The following SLC9A8 variants were observed in gnomAD, a reference collection of about 807,000 sequenced individuals.
SLC9A8 encodes the protein sodium/hydrogen exchanger 8.
A neutral mutation model predicts 66.6 loss-of-function variants in SLC9A8; 48 were observed. That is an observed-to-expected ratio of 0.72 (90% confidence interval 0.57 to 0.92). The LOEUF (loss-of-function observed/expected upper bound fraction) is 0.92, where lower values mean the gene tolerates loss of function less well. Among genes scored for constraint, SLC9A8 ranks in the 40% least tolerant of loss-of-function variants. The pLI, the probability that SLC9A8 is intolerant of heterozygous loss-of-function variation, is 0.00. For synonymous variants in SLC9A8, 274 were observed against 282.6 expected, an observed-to-expected ratio of 0.97 and a Z score of 0.31; for missense variants, 599 against 747.3, an observed-to-expected ratio of 0.80 and a Z score of 2.31.
chr20:49,840,637 A>G (rs959907299), intron 4 of SLC9A8, among the ~76,000 whole-genome samples: 5 of 152,188 alleles, frequency 3.3e-5, no homozygotes, highest in Admixed American at 6.6e-5. Flanking sequence ...GATAAGACAC[A>G]CTTCTGCTGG....
chr20:49,851,696 C>A (rs1488468569), intron 7 of SLC9A8, among the ~76,000 whole-genome samples: 3 of 152,192 alleles, frequency 2.0e-5, no homozygotes, highest in African/African-American at 7.2e-5. Flanking sequence ...AATTCTATTT[C>A]TACCTCCACT....
At chr20:49,878,748 G>T (rs536020474) in intron 12 of SLC9A8, among the ~76,000 whole-genome samples, 1 of 152,110 alleles carries the variant, frequency 6.6e-6, no homozygotes, top group Non-Finnish European at 1.5e-5. Flanking sequence ...GGCTGGGCGC[G>T]GTGGCTCACA....
rs751877159 is a variant in SLC9A8, at chr20:49,883,766, C to T, written c.1271-80C>T. ...TAGTCAGCTGGTCGTGGTGCTGGGC[C>T]GGCTGGATTTCCAGGGAAGCCAGCC... On this transcript the variant is annotated intron_variant, in intron 13 of 15. Coordinates refer to ENST00000361573, the MANE Select transcript of SLC9A8 (RefSeq NM_015266.3). 39 of 1,155,394 alleles carry T rather than the reference C, an allele frequency of 3.4e-5. 1 individual carries two copies. Among genetic ancestry groups the T allele is most frequent in the African/African-American group, 6.1e-5 (4 of 65,848 alleles). The allele number at this position is 1,155,394 out of a possible 1,614,324, so 71.6% of individuals were successfully genotyped here.
At chr20:49,821,813 G>T (rs561757530) in intron 2 of SLC9A8, among the ~76,000 whole-genome samples, 2 of 152,036 alleles carry the variant, frequency 1.3e-5, no homozygotes, top group African/African-American at 4.8e-5. Context: ...CTTTCAAATC[G>T]TTTTATTTTA....
Position 49,886,712 on chromosome 20 carries a change from C to T in SLC9A8, c.1492-40C>T, listed in dbSNP as rs1314079604. 2 of 1,598,330 alleles carry T rather than the reference C, an allele frequency of 1.3e-6. No homozygotes were observed. Among genetic ancestry groups the T allele is most frequent in the South Asian group, 1.1e-5 (1 of 89,082 alleles). On this transcript the variant is annotated intron_variant, in intron 14 of 15. Transcript: ENST00000361573. The surrounding 1 kb of genome is among the most constrained non-coding windows in gnomAD (Gnocchi z 4.8). ...TTCCAGGAGGTGCCCCCCGATGGTG[C>T]CAGCTGGTGGCCGTCGGGCCGCCTT...
At chr20:49,880,812 A>G (rs1477220771) in intron 12 of SLC9A8, 112 bp from the exon 13 acceptor site, 12 of 723,050 alleles carry the variant, frequency 1.7e-5, no homozygotes, top group Non-Finnish European at 2.7e-5. Context: ...GCTGAGGGGA[A>G]TACTGCATTT....
At chr20:49,823,268 A>G (rs1488402499) in intron 3 of SLC9A8, 127 bp downstream of exon 3, 9 of 771,194 alleles carry the variant, frequency 1.2e-5, no homozygotes, top group Non-Finnish European at 1.8e-5. Context: ...CCTCACTGCA[A>G]CCTGCCCTAA....
chr20:49,850,673 T>C lies in SLC9A8; in HGVS notation c.535-137T>C, dbSNP rs751395616. The C allele has an allele frequency of 2.7e-5, 30 of 1,096,682 alleles. 1 individual carries two copies. The highest frequency in any genetic ancestry group is 3.7e-5 in the Non-Finnish European group (29 of 781,532). The allele number at this position is 1,096,682 out of a possible 1,614,324, so 67.9% of individuals were successfully genotyped here. ...TTCAACTAAGGCTTAGGAGCTTTTA[T>C]TTTTCAAGTGGTTTGGGAACTGAAG... On this transcript the variant is annotated intron_variant, in intron 6 of 15. Coordinates refer to ENST00000361573, the MANE Select transcript of SLC9A8 (RefSeq NM_015266.3).
chr20:49,826,358 T>C (rs2086911180), intron 3 of SLC9A8, among the ~76,000 whole-genome samples: 1 of 152,214 alleles, frequency 6.6e-6, no homozygotes, highest in South Asian at 2.1e-4. Context: ...TTTCCAACTT[T>C]GTGCCAAAAA....
Position 49,855,505 on chromosome 20 carries a change from C to G in SLC9A8, c.637C>G (p.His213Asp). The change falls in exon 8 of 16, where the codon CAT (histidine) becomes GAT (aspartate). Residue 213 changes from histidine to aspartate, a missense_variant. Physicochemically the swap from His to Asp is moderately conservative, Grantham distance 81. Transcript: ENST00000361573. ...CACTATTGCCATTTTCAATGCACTTCATGTGGACCCCGTGCTCAACATGCT... is the reference window on the plus strand; with the variant it reads ...CACTATTGCCATTTTCAATGCACTTGATGTGGACCCCGTGCTCAACATGCT... ...VATIAIFNAL[H>D]VDPVLNMLVF... The G allele has an allele frequency of 6.2e-7, 1 of 1,614,164 alleles. No individual in the cohort carries two copies. The highest frequency in any genetic ancestry group is 1.1e-5 in the South Asian group (1 of 91,086).
rs6125800 is a variant in SLC9A8, at chr20:49,865,588, C to T, written c.958+744C>T. On this transcript the variant is annotated intron_variant, in intron 10 of 15. Transcript: ENST00000361573. ...CTCAGCAGCAGAGACGACTCTGATGCGGCCCTAGAAGATGATGCTCACCAG... is the reference window on the plus strand; with the variant it reads ...CTCAGCAGCAGAGACGACTCTGATGTGGCCCTAGAAGATGATGCTCACCAG... Among the ~76,000 whole-genome samples, 4,379 of 152,184 alleles carry T rather than the reference C, an allele frequency of 0.029. 496 individuals carry two copies. In the East Asian group the frequency reaches 0.35, roughly 12 times the overall value.
intron 3 of SLC9A8, among the ~76,000 whole-genome samples, chr20:49,828,073 ATTT>A (rs58366162): frequency 3.7e-5 from 3 of 81,524 alleles, no homozygotes; most frequent in Non-Finnish European, 7.3e-5. Flanking sequence ...CCAAAAAAAA[ATTT>A]TTTTTTTTTT....
At chr20:49,884,336 A>ACACACACACACACACACACACACACACAC in intron 14 of SLC9A8, among the ~76,000 whole-genome samples, 1 of 108,478 alleles carries the variant, frequency 9.2e-6, no homozygotes, top group Non-Finnish European at 1.9e-5. Context: ...ACACACACAC[A>ACACACACACACACACACACACACACACAC]CCCCCCGGTC....
At chr20:49,881,915 G>T (rs1046950694) in intron 13 of SLC9A8, among the ~76,000 whole-genome samples, 8 of 152,066 alleles carry the variant, frequency 5.3e-5, no homozygotes, top group South Asian at 4.1e-4. Flanking sequence ...ATTTGGGAAG[G>T]GGGGCATGAG....
chr20:49,874,801 G>A lies in SLC9A8; in HGVS notation c.1055G>A (p.Arg352His), dbSNP rs1162576578. ...VTQILMQQTLRTVAFLCETCV... is the reference protein window; with the variant it reads ...VTQILMQQTLHTVAFLCETCV... The stretch of plus-strand genomic sequence containing the variant: ...CAGATCCTCATGCAGCAGACCCTCC[G>A]CACCGTGGCCTTCTTATGTGGTGAG... Residue 352 changes from arginine (R) to histidine (H), a missense_variant, in exon 11 of 16, where the codon CGC becomes CAC. By Grantham distance (29) the Arg-to-His change is conservative. This residue lies in a region of SLC9A8 where 467 missense variants were observed against 626.5 expected (regional missense o/e 0.75). Transcript: ENST00000361573. 1.9e-6 allele frequency: 3 copies of A among 1,612,620 alleles called. No individual in the cohort carries two copies. Among genetic ancestry groups the A allele is most frequent in the Non-Finnish European group, 1.7e-6 (2 of 1,178,642 alleles).
At position 49,874,719 on chromosome 20, in the gene SLC9A8, C is replaced by T; in HGVS notation, c.973C>T (p.Leu325Phe). ...TCCCTCTCTAGGCATCATGGCCATC[C>T]TTTTCTCAGGCATCGTGATGTCCCA... ...GISLSGIMAI[L>F]FSGIVMSHYT... The change falls in exon 11 of 16, where the codon CTT becomes TTT. Residue 325 changes from leucine to phenylalanine, a missense_variant. Leu to Phe is a conservative substitution (Grantham distance 22, BLOSUM62 0). Coordinates refer to ENST00000361573, the MANE Select transcript of SLC9A8 (RefSeq NM_015266.3). 6.2e-7 allele frequency: 1 copy of T among 1,606,176 alleles called. No homozygotes were observed. The highest frequency in any genetic ancestry group is 8.5e-7 in the Non-Finnish European group (1 of 1,172,744).
At chr20:49,830,422 A>T (rs1316300547) in intron 3 of SLC9A8, 1 of 835,894 alleles carries the variant, frequency 1.2e-6, no homozygotes, top group Non-Finnish European at 2.1e-6. Context: ...CGTGTGTTGG[A>T]TCCCAAGGCG....
chr20:49,832,498 A>G (rs892742672), intron 3 of SLC9A8, among the ~76,000 whole-genome samples: 1 of 152,186 alleles, frequency 6.6e-6, no homozygotes. Context: ...TTATCCCTCT[A>G]CATGGGTTGG....
intron 10 of SLC9A8, among the ~76,000 whole-genome samples, chr20:49,868,781 G>A (rs1008873172): frequency 6.6e-6 from 1 of 152,194 alleles, no homozygotes; most frequent in Non-Finnish European, 1.5e-5. Context: ...TGAGGAGTGG[G>A]GAGCGATGCA....
Sources: gnomAD v4.1 joint callset for allele counts (sites outside exome capture counted in the v4.1 genomes callset) on GRCh38, gnomAD v4.1.1 for gene constraint, gnomAD v4.1.1 regional missense constraint, Gnocchi (gnomAD v3.1) non-coding constraint, MANE v1.5 for transcripts, NCBI Gene and HGNC (gene_info 2026-07-23, HGNC 2026-07-21) for gene names.